NUP153: variants seen among roughly 807,000 people sequenced by gnomAD.
NUP153 encodes nucleoporin 153, also known as nuclear pore complex protein Nup153.
NUP153 carries 27 observed loss-of-function variants against 134.6 expected under a neutral mutation model. The observed-to-expected ratio is 0.20, with a 90% confidence interval of 0.15 to 0.28. The LOEUF (loss-of-function observed/expected upper bound fraction) is 0.28. Among genes scored for constraint, NUP153 ranks in the 10% least tolerant of loss-of-function variants. The pLI, the probability that NUP153 is intolerant of heterozygous loss-of-function variation, is 1.00. For synonymous variants in NUP153, 640 were observed against 623.5 expected (o/e 1.03, Z -0.40); for missense variants, 1,821 against 1,731.3 (o/e 1.05, Z -0.92).
In NUP153 at chr6:17,629,327, C is replaced by A. The variant is rs1765107811; in HGVS notation, c.2872G>T (p.Asp958Tyr). Residue 958 changes from aspartate (D) to tyrosine (Y), a missense_variant, in exon 18 of 22, where the codon GAT becomes TAT. By Grantham distance (160) the Asp-to-Tyr change is radical. Coordinates refer to ENST00000262077, the MANE Select transcript of NUP153 (RefSeq NM_005124.4). Reference protein sequence around the residue: ...EGFKFSKPIGDFKFGVSSESK... With the variant: ...EGFKFSKPIGYFKFGVSSESK... ...TCAGATGAAACTCCAAATTTAAAATCTCCTATTGGTTTAGAAAATTTAAAG... is the reference window on the plus strand; with the variant it reads ...TCAGATGAAACTCCAAATTTAAAATATCCTATTGGTTTAGAAAATTTAAAG... 1.2e-6 allele frequency: 2 copies of A among 1,607,598 alleles called. No homozygotes were observed. Among genetic ancestry groups the A allele is most frequent in the Non-Finnish European group, 1.7e-6 (2 of 1,178,278 alleles).
chr6:17,653,339 T>A (rs954882993), intron 11 of NUP153, among the ~76,000 whole-genome samples: 2 of 152,148 alleles, frequency 1.3e-5, no homozygotes, highest in African/African-American at 4.8e-5. Context: ...CTATTAGTCA[T>A]CAAGGAAATG....
intron 1 of NUP153, among the ~76,000 whole-genome samples, chr6:17,691,039 G>T (rs561331045): frequency 6.6e-6 from 1 of 152,298 alleles, no homozygotes; most frequent in African/African-American, 2.4e-5. Flanking sequence ...CTACTCAGGA[G>T]GCTGAGGCAG....
chr6:17,658,732 G>A lies in NUP153; in HGVS notation c.1395+2921C>T, dbSNP rs143915531. On this transcript the variant is annotated intron_variant, in intron 11 of 21. Transcript: ENST00000262077. ...ATTTAAAAAATTGTTTTGAAGTGTC[G>A]TCTTCTCCTATTCTATGCAACAACA... Among the ~76,000 whole-genome samples the A allele has an allele frequency of 3.5e-3, 535 of 152,252 alleles. 2 individuals carry two copies. Among genetic ancestry groups the A allele is most frequent in the Middle Eastern group, 0.014 (4 of 294 alleles).
chr6:17,624,185 C>T (rs1351189767), intron 20 of NUP153, among the ~76,000 whole-genome samples: 2 of 152,034 alleles, frequency 1.3e-5, no homozygotes, highest in African/African-American at 4.8e-5. Flanking sequence ...CGGGACTGCC[C>T]CAGGAGAGAG....
Position 17,693,669 on chromosome 6 carries a change from T to TTGAAGGGCAGATCACC in NUP153, c.112-5052_112-5051insGGTGATCTGCCCTTCA, listed in dbSNP as rs1427049505. 2.0e-5 allele frequency among the ~76,000 whole-genome samples: 3 copies of TTGAAGGGCAGATCACC among 152,236 alleles called. No individual in the cohort carries two copies. In the East Asian group the frequency reaches 5.8e-4, roughly 29 times the overall value. ...TGGGAGGCCGAGGCGGGCAGATCAC[T>TTGAAGGGCAGATCACC]TGAAGTCAGGAGCTGAGACCAGCCT... On this transcript the variant is annotated intron_variant, in intron 1 of 21. Transcript: ENST00000262077.
intron 8 of NUP153, among the ~76,000 whole-genome samples, chr6:17,667,369 TAATTTAAATA>T (rs1261093211): frequency 3.9e-5 from 6 of 152,204 alleles, no homozygotes; most frequent in African/African-American, 1.2e-4. Flanking sequence ...CATAAAATTA[TAATTTAAATA>T]ATTACTTTTG....
rs780602202 is a variant in NUP153, at chr6:17,632,713, C to T, written c.2596G>A (p.Ala866Thr). Reference protein sequence around the residue: ...DCELCLVQNKADSTKCLACES... With the variant: ...DCELCLVQNKTDSTKCLACES... ...CATGCCAAACATTTGGTAGAGTCTG[C>T]CTTATTCTGCACTAGGCACAATTCA... Residue 866 changes from alanine to threonine, a missense_variant, in exon 17 of 22, where the codon GCA becomes ACA. Ala to Thr is a moderately conservative substitution (Grantham distance 58). Coordinates refer to ENST00000262077, the MANE Select transcript of NUP153 (RefSeq NM_005124.4). 2.0e-5 allele frequency: 32 copies of T among 1,613,856 alleles called. No individual in the cohort carries two copies. Among genetic ancestry groups the T allele is most frequent in the Non-Finnish European group, 2.6e-5 (31 of 1,179,970 alleles).
In NUP153 at chr6:17,625,233, A is replaced by G. The variant is rs565048130; in HGVS notation, c.3902-400T>C. ...CCAGTGTCTGGTTACTGACAACCTA[A>G]CATTTTAAAAACAAAGCTTGGGGCC... is the stretch of plus-strand genomic sequence containing the variant. On this transcript the variant is annotated intron_variant, in intron 19 of 21. Transcript: ENST00000262077. This position sits in a 1 kb window ranked among gnomAD's most constrained non-coding sequence, Gnocchi z 4.7. Among the ~76,000 whole-genome samples, 4 of 152,310 alleles carry G rather than the reference A, an allele frequency of 2.6e-5. No homozygotes were observed. The East Asian group carries it at 7.7e-4, about 29-fold the overall frequency.
chr6:17,642,197 G>A (rs899101567), intron 14 of NUP153, among the ~76,000 whole-genome samples: 9 of 152,000 alleles, frequency 5.9e-5, no homozygotes, highest in South Asian at 2.1e-4. Context: ...GATATGACAC[G>A]AAAAGCACAG....
intron 1 of NUP153, among the ~76,000 whole-genome samples, chr6:17,700,773 A>G (rs1770003336): frequency 1.3e-5 from 2 of 152,256 alleles, no homozygotes; most frequent in Non-Finnish European, 1.5e-5. Context: ...TTTTCATACA[A>G]GCTAAGAATG....
chr6:17,685,481 G>A (rs564707504), intron 2 of NUP153, among the ~76,000 whole-genome samples: 60 of 151,518 alleles, frequency 4.0e-4, no homozygotes, highest in Non-Finnish European at 8.0e-4. Context: ...CCCAGGAGGC[G>A]GAGCTTGCAA....
At chr6:17,705,594 G>T (rs1032554029) in intron 1 of NUP153, among the ~76,000 whole-genome samples, 2 of 138,860 alleles carry the variant, frequency 1.4e-5, no homozygotes, top group African/African-American at 5.6e-5. Flanking sequence ...TTGGGGGGGG[G>T]GAGGGGAGTC....
At position 17,647,912 on chromosome 6, in the gene NUP153, T is replaced by G. The variant is rs1766288962; in HGVS notation, c.1534-7A>C. On this transcript the variant is annotated splice_polypyrimidine_tract_variant and splice_region_variant and intron_variant, in intron 12 of 21. Transcript: ENST00000262077. ...TCGGAGAGGTCATTTGTACCTGGTT[T>G]TCCAAATTATTAAGAAATGATACAA... is the stretch of plus-strand genomic sequence containing the variant. 1 of 1,568,790 alleles carries G rather than the reference T, an allele frequency of 6.4e-7. No individual in the cohort carries two copies. Among genetic ancestry groups the G allele is most frequent in the African/African-American group, 1.4e-5 (1 of 73,614 alleles).
intron 1 of NUP153, among the ~76,000 whole-genome samples, chr6:17,689,906 TG>T (rs1294628073): frequency 6.6e-6 from 1 of 152,186 alleles, no homozygotes; most frequent in Non-Finnish European, 1.5e-5. Context: ...AGTTTGGCTA[TG>T]TGCTAGACAC....
intron 8 of NUP153, among the ~76,000 whole-genome samples, chr6:17,665,644 G>A (rs1157992054): frequency 6.6e-6 from 1 of 151,754 alleles, no homozygotes; most frequent in Non-Finnish European, 1.5e-5. Flanking sequence ...CAGACTTAAT[G>A]ACTTTTCACA....
rs1764916715 is a variant in NUP153 at position 17,625,855 on chromosome 6, G to A, written c.3854C>T (p.Thr1285Ile). Reference protein sequence around the residue: ...FGPGASSNNTTTSGFGFGATT... With the variant: ...FGPGASSNNTITSGFGFGATT... ...GGCTCCAAAGCCGAAACCAGAGGTGGTAGTATTATTACTGCTGGCTCCTGG... is the reference window on the plus strand; with the variant it reads ...GGCTCCAAAGCCGAAACCAGAGGTGATAGTATTATTACTGCTGGCTCCTGG... The change falls in exon 19 of 22, where the codon ACC (threonine) becomes ATC (isoleucine). Residue 1285 changes from threonine to isoleucine, a missense_variant. Coordinates refer to ENST00000262077, the MANE Select transcript of NUP153 (RefSeq NM_005124.4). This position sits in a 1 kb window ranked among gnomAD's most constrained non-coding sequence, Gnocchi z 4.7. The A allele has an allele frequency of 6.2e-7, 1 of 1,614,218 alleles. No individual in the cohort carries two copies. Among genetic ancestry groups the A allele is most frequent in the African/African-American group, 1.3e-5 (1 of 75,066 alleles).
At chr6:17,691,742 G>A (rs113513410) in intron 1 of NUP153, among the ~76,000 whole-genome samples, 94 of 152,092 alleles carry the variant, frequency 6.2e-4, no homozygotes, top group African/African-American at 2.1e-3. Context: ...CGAGACTCCA[G>A]CTCAGAAAAA....
At chr6:17,688,224 T>C (rs1769058729) in intron 2 of NUP153, among the ~76,000 whole-genome samples, 172 bp downstream of exon 2, 1 of 152,194 alleles carries the variant, frequency 6.6e-6, no homozygotes, top group Admixed American at 6.5e-5. Context: ...CAACCTTCCT[T>C]AATAAATAAA....
intron 18 of NUP153, among the ~76,000 whole-genome samples, chr6:17,627,124 C>T (rs1764986802): frequency 6.6e-6 from 1 of 152,132 alleles, no homozygotes; most frequent in South Asian, 2.1e-4. Context: ...GGTCACAGTA[C>T]ACTATGGGCA....
Sources: allele counts gnomAD v4.1 joint callset (sites outside exome capture counted in the v4.1 genomes callset), GRCh38; gene constraint gnomAD v4.1.1; non-coding constraint Gnocchi (gnomAD v3.1); transcripts MANE v1.5; gene names NCBI Gene and HGNC (gene_info 2026-07-23, HGNC 2026-07-21).